TEX11: variants seen among roughly 807,000 people sequenced by gnomAD.
TEX11 encodes testis-expressed protein 11.
A neutral mutation model predicts 84.4 loss-of-function variants in TEX11; 7 were observed. That is an observed-to-expected ratio of 0.08 (90% CI 0.05 to 0.16). The LOEUF (loss-of-function observed/expected upper bound fraction) is 0.16, where lower values mean the gene tolerates loss of function less well. TEX11 is among the 10% of genes least tolerant of loss of function. The pLI is 1.00. For synonymous variants in TEX11, 264 were observed against 222.8 expected, an observed-to-expected ratio of 1.18 and a Z score of -1.64; for missense variants, 551 against 660.5, an observed-to-expected ratio of 0.83 and a Z score of 1.82.
chrX:70,637,867 A>C (rs1442154252), intron 17 of TEX11, among the ~76,000 whole-genome samples: 1 of 110,518 alleles, frequency 9.0e-6, no homozygotes, highest in Non-Finnish European at 1.9e-5. Context: ...ACCATGGCAC[A>C]CGTTTACCTA....
intron 25 of TEX11, among the ~76,000 whole-genome samples, chrX:70,569,333 T>C (rs1195872237): frequency 1.8e-5 from 2 of 111,706 alleles, no homozygotes; most frequent in Non-Finnish European, 3.8e-5. Context: ...GTTTTCAACT[T>C]CTTTGCCTTT....
intron 29 of TEX11, among the ~76,000 whole-genome samples, 196 bp from the exon 30 acceptor site, chrX:70,529,383 A>C (rs2087855744): frequency 8.9e-6 from 1 of 112,030 alleles, no homozygotes; most frequent in Non-Finnish European, 1.9e-5. Context: ...CTTAACTATA[A>C]AATATCCTTT....
chrX:70,849,092 G>C (rs2091494077), intron 7 of TEX11, among the ~76,000 whole-genome samples: 1 of 112,209 alleles, frequency 8.9e-6, no homozygotes. Flanking sequence ...AGTGGATATA[G>C]GGATTGAGGA....
Position 70,717,358 on chromosome X carries a change from G to A in TEX11, c.1004+5260C>T, listed in dbSNP as rs369626083. On this transcript the variant is annotated intron_variant, in intron 13 of 29. Coordinates refer to ENST00000374333, the MANE Select transcript of TEX11 (RefSeq NM_031276.3). ...TTTTGAGATGGAGTCTTGCTCTGTC[G>A]CCCAGGCTGGAGTGCAATGGCGCGA... Among the ~76,000 whole-genome samples, 14 of 104,136 alleles carry A rather than the reference G, an allele frequency of 1.3e-4. No homozygotes were observed. The South Asian group carries it at 4.8e-3, about 36-fold the overall frequency. 90.4% of individuals were successfully genotyped at this position (104,136 alleles called of 115,157 possible).
At chrX:70,563,185 C>A (rs1306863237) in intron 25 of TEX11, among the ~76,000 whole-genome samples, 1 of 111,444 alleles carries the variant, frequency 9.0e-6, no homozygotes, top group Non-Finnish European at 1.9e-5. Context: ...GGGTTATTAA[C>A]CCCACTTTCC....
rs530619794 is a variant in TEX11 at position 70,712,164 on chromosome X, C to T, written c.1004+10454G>A. Among the ~76,000 whole-genome samples, 12 of 111,435 alleles carry T rather than the reference C, an allele frequency of 1.1e-4. No homozygotes were observed. In the South Asian group the frequency reaches 4.6e-3, roughly 43 times the overall value. ...ATTGGTCTGTATCTCTGTTTTGGTA[C>T]CAGTACTATGCTGTTTTGGTTACTG... On this transcript the variant is annotated intron_variant, in intron 13 of 29. Transcript: ENST00000374333.
chrX:70,890,979 C>T (rs189598926), intron 2 of TEX11, among the ~76,000 whole-genome samples: 181 of 111,880 alleles, frequency 1.6e-3, no homozygotes, highest in Non-Finnish European at 2.0e-3. Flanking sequence ...CTCATACAGG[C>T]GGGTGCCCCT....
At chrX:70,704,568 T>C (rs910067474) in intron 13 of TEX11, among the ~76,000 whole-genome samples, 2 of 111,508 alleles carry the variant, frequency 1.8e-5, no homozygotes, top group African/African-American at 6.5e-5. Context: ...ATTGTATACA[T>C]ACATTCTATA....
chrX:70,518,801 C>T, the TEX11 span, among the ~76,000 whole-genome samples: 1 of 111,768 alleles, frequency 8.9e-6, no homozygotes, highest in African/African-American at 3.3e-5. Flanking sequence ...AATCTGGGTG[C>T]TCCTGTATTG....
At chrX:70,763,872 T>G (rs1464324978) in intron 9 of TEX11, among the ~76,000 whole-genome samples, 1 of 111,774 alleles carries the variant, frequency 8.9e-6, no homozygotes, top group East Asian at 2.8e-4. Flanking sequence ...AAACATAGAC[T>G]TCATACAATA....
Position 70,853,248 on chromosome X carries a change from G to A in TEX11, c.405C>T (p.Ala135=), listed in dbSNP as rs147088100. The change falls in exon 6 of 30, where the codon GCC becomes GCT. Residue 135 remains alanine (A), a splice_region_variant and synonymous_variant. Coordinates refer to ENST00000374333, the MANE Select transcript of TEX11 (RefSeq NM_031276.3). The part of the protein sequence containing the change: ...IADECFQAAV[A]SLEQLYVKLI... Reference sequence around the variant, plus strand: ...CAGCTAAAAGTCAATGGTAACTTACGGCCACAGCAGCTTGAAAACATTCAT... The same window carrying A: ...CAGCTAAAAGTCAATGGTAACTTACAGCCACAGCAGCTTGAAAACATTCAT... 4,038 of 1,207,420 alleles carry A rather than the reference G, an allele frequency of 3.3e-3. 6 individuals carry two copies. Among genetic ancestry groups the A allele is most frequent in the Non-Finnish European group, 4.2e-3 (3,758 of 893,011 alleles).
intron 28 of TEX11, among the ~76,000 whole-genome samples, chrX:70,550,784 C>T (rs569577522): frequency 9.0e-6 from 1 of 111,316 alleles, no homozygotes; most frequent in Middle Eastern, 4.7e-3. Context: ...AAAAGGGAAC[C>T]CTTGCACACT....
chrX:70,586,872 T>A (rs1250530523), intron 25 of TEX11, among the ~76,000 whole-genome samples: 1 of 111,865 alleles, frequency 8.9e-6, no homozygotes, highest in Non-Finnish European at 1.9e-5. Context: ...GACAGGAAGA[T>A]CTGGGAAAGT....
chrX:70,568,275 C>T (rs1002772538), intron 25 of TEX11, among the ~76,000 whole-genome samples: 1 of 110,829 alleles, frequency 9.0e-6, no homozygotes, highest in African/African-American at 3.3e-5. Context: ...TTCCTCCATC[C>T]TTTTATTTTG....
At position 70,611,560 on chromosome X, in the gene TEX11, T is replaced by C. The variant is rs185956257; in HGVS notation, c.1752-1017A>G. Among the ~76,000 whole-genome samples, 5 of 111,814 alleles carry C rather than the reference T, an allele frequency of 4.5e-5. No homozygotes were observed. The East Asian group carries it at 1.1e-3, about 25-fold the overall frequency. On this transcript the variant is annotated intron_variant, in intron 20 of 29. Transcript: ENST00000374333. ...CTACTCAGTGAATATTGGAGCAAAA[T>C]CTCTTTATGCATCTTGCAGGGGGCA...
chrX:70,696,420 G>A (rs1490317905), intron 13 of TEX11, among the ~76,000 whole-genome samples: 1 of 111,283 alleles, frequency 9.0e-6, no homozygotes, highest in Non-Finnish European at 1.9e-5. Flanking sequence ...AGGAACTAAG[G>A]CCTCATATTA....
chrX:70,811,579 A>T (rs186466859), intron 8 of TEX11, among the ~76,000 whole-genome samples: 5,739 of 110,395 alleles, frequency 0.052, 345 homozygotes, highest in African/African-American at 0.15. Context: ...TTTCTAGTTC[A>T]AGATCCCTGA....
At chrX:70,610,200 AAGG>A (rs1291523752) in intron 21 of TEX11, among the ~76,000 whole-genome samples, 2 of 73,362 alleles carry the variant, frequency 2.7e-5, no homozygotes, top group Admixed American at 3.4e-4. Flanking sequence ...AGAAGGAAGG[AAGG>A]AAGGAAGAGA....
chrX:70,686,905 C>T (rs1411494402), intron 13 of TEX11, among the ~76,000 whole-genome samples: 2 of 110,795 alleles, frequency 1.8e-5, no homozygotes, highest in Non-Finnish European at 3.8e-5. Flanking sequence ...CAAGAGATCT[C>T]GCCTTAATAA....
Sources: gnomAD v4.1 joint callset for allele counts (sites outside exome capture counted in the v4.1 genomes callset) on GRCh38, gnomAD v4.1.1 for gene constraint, MANE v1.5 for transcripts, NCBI Gene and HGNC (gene_info 2026-07-23, HGNC 2026-07-21) for gene names.